GNA12: variants seen among roughly 807,000 people sequenced by gnomAD.
GNA12 encodes the protein G protein subunit alpha 12.
In GNA12, 9 loss-of-function variants were observed where a neutral mutation model predicts 26.0. The ratio of observed to expected loss-of-function variants is 0.35; its 90% confidence interval spans 0.21 to 0.60. The LOEUF is 0.60. Among genes scored for constraint, GNA12 ranks in the 20% least tolerant of loss-of-function variants. The pLI, the probability that GNA12 is intolerant of heterozygous loss-of-function variation, is 0.78. For missense variants in GNA12, 405 were observed against 525.8 expected (o/e 0.77, Z 2.25); for synonymous variants, 264 against 219.6 (o/e 1.20, Z -1.79).
rs1196232449 is a variant in GNA12, at chr7:2,728,813, TTAAA to T, written c.*2364_*2367del. On this transcript the variant is annotated 3_prime_UTR_variant, in exon 4 of 4. Coordinates refer to ENST00000275364, the MANE Select transcript of GNA12 (RefSeq NM_007353.3). ...TTACAGAATTTGGAAGGGGGTGTCT[TTAAA>T]AACGTTCTAATTCACCCCGGTCATG... 2.6e-5 allele frequency: 4 copies of T among 152,346 alleles called. No individual in the cohort carries two copies. The highest frequency in any genetic ancestry group is 5.9e-5 in the Non-Finnish European group (4 of 68,042). The allele number at this position is 152,346 out of a possible 1,614,324, so 9.4% of individuals were successfully genotyped here. A position where few individuals can be genotyped will look rare whatever the true frequency, so the allele number is the denominator to read the frequency against.
intron 1 of GNA12, chr7:2,814,850 C>T (rs1474158679): frequency 6.3e-7 from 1 of 1,595,760 alleles, no homozygotes; most frequent in Non-Finnish European, 8.5e-7. Flanking sequence ...CGGGTGTGCA[C>T]TGCTCCCCTC....
intron 2 of GNA12, among the ~76,000 whole-genome samples, chr7:2,782,797 T>C (rs1192419844): frequency 6.6e-6 from 1 of 152,198 alleles, no homozygotes; most frequent in Non-Finnish European, 1.5e-5. Context: ...TTACACCTTC[T>C]GACCCCATCC....
intron 2 of GNA12, among the ~76,000 whole-genome samples, chr7:2,778,007 C>G (rs1276653730): frequency 6.6e-6 from 1 of 152,216 alleles, no homozygotes; most frequent in Non-Finnish European, 1.5e-5. Flanking sequence ...ATTTACCAAA[C>G]AGCAAATCAC....
intron 2 of GNA12, among the ~76,000 whole-genome samples, chr7:2,743,646 G>A (rs1790618037): frequency 6.6e-6 from 1 of 152,170 alleles, no homozygotes; most frequent in Non-Finnish European, 1.5e-5. Flanking sequence ...ATTTCCAACT[G>A]AGGTACCGGG....
chr7:2,774,491 G>A (rs1275306726), intron 2 of GNA12, among the ~76,000 whole-genome samples: 1 of 152,218 alleles, frequency 6.6e-6, no homozygotes, highest in Admixed American at 6.5e-5. Context: ...GGCGCTGGGA[G>A]GCCCTGAGTG....
Position 2,767,084 on chromosome 7 carries a change from T to C in GNA12, c.525+27844A>G, listed in dbSNP as rs151303585. 1.2e-3 allele frequency among the ~76,000 whole-genome samples: 180 copies of C among 152,370 alleles called. 2 individuals carry two copies. The highest frequency in any genetic ancestry group is 4.1e-3 in the African/African-American group (169 of 41,586). On this transcript the variant is annotated intron_variant, in intron 2 of 3. Coordinates refer to ENST00000275364, the MANE Select transcript of GNA12 (RefSeq NM_007353.3). ...CCCTTTGCCCATTTTTTAATTGGGT[T>C]ATTTAACTTTGCTTCTTGTTGAGTT...
intron 2 of GNA12, among the ~76,000 whole-genome samples, chr7:2,768,546 A>C (rs1481081800): frequency 6.6e-6 from 1 of 152,230 alleles, no homozygotes; most frequent in African/African-American, 2.4e-5. Flanking sequence ...AGGAAAACAA[A>C]GGTTAGAGTA....
In GNA12 at chr7:2,741,628, C is replaced by T. The variant is rs536983644; in HGVS notation, c.526-8127G>A. On this transcript the variant is annotated intron_variant, in intron 2 of 3. Coordinates refer to ENST00000275364, the MANE Select transcript of GNA12 (RefSeq NM_007353.3). The stretch of plus-strand genomic sequence containing the variant: ...GAATAGTACAAAGAGCTCATACAGT[C>T]TTTCTCTAGATTCACCTGTTCACAT... 9.2e-5 allele frequency among the ~76,000 whole-genome samples: 14 copies of T among 152,182 alleles called. No individual in the cohort carries two copies. The East Asian group carries it at 2.7e-3, about 29-fold the overall frequency.
At chr7:2,739,384 C>CAG (rs2115320278) in intron 2 of GNA12, among the ~76,000 whole-genome samples, 1 of 152,340 alleles carries the variant, frequency 6.6e-6, no homozygotes, top group African/African-American at 2.4e-5. Context: ...ACACAGCATG[C>CAG]AGCCCTTTGT....
At chr7:2,818,379 C>G (rs1248656705) in intron 1 of GNA12, among the ~76,000 whole-genome samples, 1 of 152,190 alleles carries the variant, frequency 6.6e-6, no homozygotes, top group African/African-American at 2.4e-5. Flanking sequence ...TGCCAAATGT[C>G]CCCCTGGGGA....
chr7:2,815,171 T>C, intron 1 of GNA12: 1 of 535,288 alleles, frequency 1.9e-6, no homozygotes, highest in Non-Finnish European at 3.3e-6. Flanking sequence ...GACAGGAACA[T>C]CGGCGAGGTG....
At chr7:2,789,618 G>T (rs535504562) in intron 2 of GNA12, among the ~76,000 whole-genome samples, 27 of 152,266 alleles carry the variant, frequency 1.8e-4, no homozygotes, top group African/African-American at 6.0e-4. Flanking sequence ...CCACCTTACA[G>T]CACACAGACC....
chr7:2,797,443 CCT>C (rs2115461393), intron 1 of GNA12, among the ~76,000 whole-genome samples: 1 of 151,772 alleles, frequency 6.6e-6, no homozygotes, highest in African/African-American at 2.4e-5. Context: ...CTGCATCCGG[CCT>C]TTTTTTTTTT....
intron 1 of GNA12, among the ~76,000 whole-genome samples, chr7:2,824,020 G>T (rs1013324363): frequency 2.0e-5 from 3 of 152,206 alleles, no homozygotes; most frequent in African/African-American, 7.2e-5. Flanking sequence ...CTAAAAGATA[G>T]TTGACTCCTT....
intron 1 of GNA12, among the ~76,000 whole-genome samples, chr7:2,797,063 A>G (rs796934877): frequency 3.3e-4 from 50 of 152,312 alleles, no homozygotes; most frequent in African/African-American, 8.7e-4. Flanking sequence ...TCTCAGAGCA[A>G]TCTGAGGGAC....
chr7:2,809,918 C>T (rs962840703), intron 1 of GNA12, among the ~76,000 whole-genome samples: 2 of 152,006 alleles, frequency 1.3e-5, no homozygotes, highest in Non-Finnish European at 2.9e-5. Context: ...GTAATAAATT[C>T]ATAGTAAAAA....
At chr7:2,732,154 A>C (rs1283990203) in intron 3 of GNA12, among the ~76,000 whole-genome samples, 1 of 152,260 alleles carries the variant, frequency 6.6e-6, no homozygotes, top group Non-Finnish European at 1.5e-5. Flanking sequence ...AATGTGATGT[A>C]AATTCAATCT....
intron 2 of GNA12, among the ~76,000 whole-genome samples, chr7:2,747,343 C>T (rs1258555604): frequency 6.6e-6 from 1 of 152,138 alleles, no homozygotes. Flanking sequence ...GGGCTTCATC[C>T]CTGGGATGCA....
intron 1 of GNA12, among the ~76,000 whole-genome samples, chr7:2,842,597 C>T (rs1431811488): frequency 6.6e-6 from 1 of 152,128 alleles, no homozygotes; most frequent in Admixed American, 6.5e-5. Flanking sequence ...CACACCTGGC[C>T]GACTTCTACA....
Sources: gnomAD v4.1 joint callset for allele counts (sites outside exome capture counted in the v4.1 genomes callset) on GRCh38, gnomAD v4.1.1 for gene constraint, MANE v1.5 for transcripts, NCBI Gene and HGNC (gene_info 2026-07-23, HGNC 2026-07-21) for gene names.